The following EBF1 variants were observed in gnomAD, a reference collection of about 807,000 sequenced individuals.
EBF1 encodes the protein EBF transcription factor 1, also known as transcription factor COE1.
A neutral mutation model predicts 68.4 loss-of-function variants in EBF1; 10 were observed. The observed-to-expected ratio is 0.15, with a 90% CI of 0.09 to 0.25. The LOEUF is 0.25. Among genes scored for constraint, EBF1 ranks in the 10% least tolerant of loss-of-function variants. The pLI is 1.00. For missense variants in EBF1, 509 were observed against 794.4 expected, an observed-to-expected ratio of 0.64 and a Z score of 4.32; for synonymous variants, 298 against 299.8, an observed-to-expected ratio of 0.99 and a Z score of 0.06.
At chr5:158,900,875 G>T (rs988446783) in intron 6 of EBF1, among the ~76,000 whole-genome samples, 1 of 151,114 alleles carries the variant, frequency 6.6e-6, no homozygotes, top group Middle Eastern at 3.4e-3. Context: ...TTGAAACGTG[G>T]TCTCTCTTAT....
chr5:158,975,162 T>A (rs1481628420), intron 6 of EBF1, among the ~76,000 whole-genome samples: 1 of 152,186 alleles, frequency 6.6e-6, no homozygotes, highest in African/African-American at 2.4e-5. Context: ...ACCCTCTTTA[T>A]CCCTTTTGTC....
chr5:159,055,360 A>G (rs1774555133), intron 6 of EBF1, among the ~76,000 whole-genome samples: 1 of 152,208 alleles, frequency 6.6e-6, no homozygotes. Context: ...TGAAATCCAG[A>G]GAAGTTAAGA....
At chr5:158,841,866 A>G (rs577056607) in intron 6 of EBF1, among the ~76,000 whole-genome samples, 2 of 152,326 alleles carry the variant, frequency 1.3e-5, no homozygotes, top group Middle Eastern at 6.8e-3. Flanking sequence ...TAAAAATGCA[A>G]ACATCGTCCT....
At chr5:158,866,524 G>A (rs570785713) in intron 6 of EBF1, among the ~76,000 whole-genome samples, 1 of 151,898 alleles carries the variant, frequency 6.6e-6, no homozygotes, top group African/African-American at 2.4e-5. Context: ...ACTGACTAAT[G>A]AGGGGGAAAT....
At chr5:158,941,723 C>T (rs1318143373) in intron 6 of EBF1, among the ~76,000 whole-genome samples, 2 of 152,158 alleles carry the variant, frequency 1.3e-5, no homozygotes, top group East Asian at 1.9e-4. Context: ...TCAGTCCACA[C>T]CCCTGCTGAA....
chr5:158,956,567 A>G (rs1204542788), intron 6 of EBF1, among the ~76,000 whole-genome samples: 1 of 152,074 alleles, frequency 6.6e-6, no homozygotes, highest in Non-Finnish European at 1.5e-5. Context: ...CACGACCTTA[A>G]GGTCTTCCAA....
intron 9 of EBF1, among the ~76,000 whole-genome samples, chr5:158,781,816 T>C (rs188501923): frequency 1.3e-5 from 2 of 152,316 alleles, no homozygotes; most frequent in East Asian, 3.9e-4. Context: ...AATTGCCTTC[T>C]AAATGGTCTC....
chr5:159,022,278 A>T (rs1324253385), intron 6 of EBF1, among the ~76,000 whole-genome samples: 2 of 152,206 alleles, frequency 1.3e-5, no homozygotes, highest in Non-Finnish European at 2.9e-5. Flanking sequence ...CAAAACACAG[A>T]GGAAATGTGC....
At chr5:158,751,901 AG>A (rs1185738863) in intron 10 of EBF1, among the ~76,000 whole-genome samples, 3 of 152,082 alleles carry the variant, frequency 2.0e-5, no homozygotes, top group Non-Finnish European at 4.4e-5. Context: ...GTTGAGCTTA[AG>A]TCGAGACTCA....
Position 159,099,447 on chromosome 5 carries a change from CTCCGTTGGATGCTT to C in EBF1, c.18_31del (p.Ser7TrpfsTer44), listed in dbSNP as rs1407961455. 6.3e-7 allele frequency: 1 copy of C among 1,597,690 alleles called. No homozygotes were observed. Among genetic ancestry groups the C allele is most frequent in the Non-Finnish European group, 8.5e-7 (1 of 1,172,580 alleles). On this transcript the variant is annotated frameshift_variant, in exon 1 of 16. Coordinates refer to ENST00000313708, the MANE Select transcript of EBF1 (RefSeq NM_024007.5). LOFTEE classifies it high-confidence loss of function. ...CGGCTCTTCCTTCATGCTGCTTCCA[CTCCGTTGGATGCTT>C]TCCTGAATCCCAAACATGAAAACAA... is the stretch of plus-strand genomic sequence containing the variant.
chr5:158,926,297 TC>T (rs1809679452), intron 6 of EBF1, among the ~76,000 whole-genome samples: 1 of 152,208 alleles, frequency 6.6e-6, no homozygotes, highest in Non-Finnish European at 1.5e-5. Flanking sequence ...AATAAATGCA[TC>T]CCCTGTGATG....
intron 6 of EBF1, among the ~76,000 whole-genome samples, chr5:158,876,616 G>A (rs141116246): frequency 6.6e-6 from 1 of 152,268 alleles, no homozygotes; most frequent in Non-Finnish European, 1.5e-5. Context: ...AAAGTTTCAC[G>A]TTGCCCTATT....
At position 158,775,307 on chromosome 5, in the gene EBF1, T is replaced by C. The variant is rs753170448; in HGVS notation, c.1036+2106A>G. On this transcript the variant is annotated intron_variant, in intron 10 of 15. Transcript: ENST00000313708. The stretch of plus-strand genomic sequence containing the variant: ...TAATTTAATGAGGGTGATTTTTTTT[T>C]CTAACTTTTATGGCCAGGTGGCTCT... Among the ~76,000 whole-genome samples, 130 of 152,204 alleles carry C rather than the reference T, an allele frequency of 8.5e-4. 1 individual carries two copies. Among genetic ancestry groups the C allele is most frequent in the Non-Finnish European group, 1.4e-3 (95 of 67,988 alleles).
At chr5:158,883,194 ACAT>A (rs1799227856) in intron 6 of EBF1, among the ~76,000 whole-genome samples, 1 of 152,164 alleles carries the variant, frequency 6.6e-6, no homozygotes, top group Non-Finnish European at 1.5e-5. Flanking sequence ...GTGTGTATAT[ACAT>A]GTATGCATAG....
In EBF1 at chr5:159,051,443, C is replaced by G. The variant is rs1260005571; in HGVS notation, c.554+21953G>C. ...CCCGCTCCCGCAGCCCCCCACCCCC[C>G]CACCCCGCCGCCCGGCGGCTGACGG... On this transcript the variant is annotated intron_variant, in intron 6 of 15. Coordinates refer to ENST00000313708, the MANE Select transcript of EBF1 (RefSeq NM_024007.5). Among the ~76,000 whole-genome samples the G allele has an allele frequency of 3.6e-5, 5 of 139,888 alleles. 1 individual carries two copies. The highest frequency in any genetic ancestry group is 4.9e-4 in the South Asian group (2 of 4,042). The allele number at this position is 139,888 out of a possible 152,430, so 91.8% of individuals were successfully genotyped here. A position where few individuals can be genotyped will look rare whatever the true frequency, so the allele number is the denominator to read the frequency against.
chr5:158,997,630 G>A (rs1761676916), intron 6 of EBF1, among the ~76,000 whole-genome samples: 1 of 152,020 alleles, frequency 6.6e-6, no homozygotes, highest in Non-Finnish European at 1.5e-5. Context: ...GATTTTCACT[G>A]GTGCTTGTCC....
At chr5:158,996,831 T>C (rs978368487) in intron 6 of EBF1, among the ~76,000 whole-genome samples, 3 of 152,218 alleles carry the variant, frequency 2.0e-5, no homozygotes, top group Admixed American at 6.5e-5. Flanking sequence ...AGCAAACTTT[T>C]AAATGAAATA....
chr5:158,893,027 C>T (rs1410179412), intron 6 of EBF1, among the ~76,000 whole-genome samples: 2 of 152,130 alleles, frequency 1.3e-5, no homozygotes, highest in Admixed American at 1.3e-4. Context: ...AATATTTATC[C>T]TTCTCCCTCA....
chr5:158,775,842 G>A (rs563116348), intron 10 of EBF1, among the ~76,000 whole-genome samples: 1 of 147,238 alleles, frequency 6.8e-6, no homozygotes, highest in African/African-American at 2.5e-5. Context: ...CTATGTGGAA[G>A]TTCTCATGGG....
Sources: allele counts gnomAD v4.1 joint callset (sites outside exome capture counted in the v4.1 genomes callset), GRCh38; gene constraint gnomAD v4.1.1; transcripts MANE v1.5; gene names NCBI Gene and HGNC (gene_info 2026-07-23, HGNC 2026-07-21).